The following STAU2 variants were observed in gnomAD, a reference collection of about 807,000 sequenced individuals.
STAU2 encodes the protein double-stranded RNA-binding protein Staufen homolog 2.
Under a neutral mutation model 65.9 loss-of-function variants are expected in STAU2, and 20 were observed. The ratio of observed to expected loss-of-function variants is 0.30; its 90% confidence interval spans 0.21 to 0.44. STAU2 has a LOEUF of 0.44. STAU2 is among the 20% of genes least tolerant of loss of function. The pLI, the probability that STAU2 is intolerant of heterozygous loss-of-function variation, is 1.00. For missense variants in STAU2, 558 were observed against 683.9 expected (o/e 0.82, Z 2.05); for synonymous variants, 232 against 233.9 (o/e 0.99, Z 0.07).
intron 13 of STAU2, among the ~76,000 whole-genome samples, chr8:73,497,072 C>A (rs777903791): frequency 2.0e-5 from 3 of 151,656 alleles, no homozygotes; most frequent in Non-Finnish European, 3.0e-5. Flanking sequence ...TCTTATCTGG[C>A]AGTTTAAAAT....
chr8:73,560,007 T>C (rs1039707855), intron 12 of STAU2, among the ~76,000 whole-genome samples: 2 of 151,494 alleles, frequency 1.3e-5, no homozygotes, highest in Non-Finnish European at 2.9e-5. Context: ...GGTTTCTTCT[T>C]AAGATCAGTT....
chr8:73,618,414 G>C (rs1047909519), intron 6 of STAU2, among the ~76,000 whole-genome samples: 3 of 152,192 alleles, frequency 2.0e-5, no homozygotes, highest in Non-Finnish European at 2.9e-5. Context: ...ATCTGAAGCA[G>C]AGAGTATACC....
intron 10 of STAU2, among the ~76,000 whole-genome samples, chr8:73,602,742 A>C (rs954445645): frequency 6.6e-6 from 1 of 151,876 alleles, no homozygotes; most frequent in African/African-American, 2.4e-5. Context: ...AAAAAAAAAA[A>C]ACAAAAAATT....
chr8:73,595,473 T>C lies in STAU2; in HGVS notation c.1030-176A>G, dbSNP rs146059366. 2.0e-5 allele frequency among the ~76,000 whole-genome samples: 3 copies of C among 152,250 alleles called. No individual in the cohort carries two copies. The East Asian group carries it at 5.8e-4, about 29-fold the overall frequency. On this transcript the variant is annotated intron_variant, in intron 10 of 14. Coordinates refer to ENST00000524300, the MANE Select transcript of STAU2 (RefSeq NM_001164380.2). Reference sequence around the variant, plus strand: ...AATGTTGTATATGTACATGAAAAAATGGTCCTTAAAGTATCAATGGAGGAT... The same window carrying C: ...AATGTTGTATATGTACATGAAAAAACGGTCCTTAAAGTATCAATGGAGGAT...
intron 5 of STAU2, among the ~76,000 whole-genome samples, chr8:73,679,819 C>T (rs925405365): frequency 6.7e-6 from 1 of 150,348 alleles, no homozygotes; most frequent in Non-Finnish European, 1.5e-5. Context: ...GCCCAGGAGG[C>T]GGAGGCTGCA....
At chr8:73,710,731 T>TA (rs1189873202) in intron 3 of STAU2, among the ~76,000 whole-genome samples, 3 of 151,926 alleles carry the variant, frequency 2.0e-5, no homozygotes, top group African/African-American at 7.2e-5. Context: ...TCACTTCCCA[T>TA]AAAAAATGCC....
rs542170216 is a variant in STAU2 at position 73,612,778 on chromosome 8, T to C, written c.891+966A>G. On this transcript the variant is annotated intron_variant, in intron 9 of 14. Coordinates refer to ENST00000524300, the MANE Select transcript of STAU2 (RefSeq NM_001164380.2). The stretch of plus-strand genomic sequence containing the variant: ...AGAAATCCATTGAGATTAAATATAT[T>C]TCTTATCTGTAATCCTTCATTTGTA... Among the ~76,000 whole-genome samples, 46 of 152,320 alleles carry C rather than the reference T, an allele frequency of 3.0e-4. No individual in the cohort carries two copies. In the South Asian group the frequency reaches 9.1e-3, roughly 30 times the overall value.
chr8:73,631,528 A>C (rs1814089262), intron 6 of STAU2, among the ~76,000 whole-genome samples: 1 of 152,186 alleles, frequency 6.6e-6, no homozygotes, highest in Non-Finnish European at 1.5e-5. Flanking sequence ...GTAAAATAAT[A>C]AATAACATTA....
intron 5 of STAU2, among the ~76,000 whole-genome samples, chr8:73,678,017 T>C (rs1305983380): frequency 1.3e-5 from 2 of 152,186 alleles, no homozygotes; most frequent in African/African-American, 2.4e-5. Context: ...CTTTACATTA[T>C]ATGCCTTAGA....
At chr8:73,477,402 A>G (rs932940726) in intron 13 of STAU2, among the ~76,000 whole-genome samples, 2 of 152,234 alleles carry the variant, frequency 1.3e-5, no homozygotes, top group African/African-American at 2.4e-5. Context: ...AGAAAAGGAC[A>G]GAAAACATAA....
intron 6 of STAU2, among the ~76,000 whole-genome samples, chr8:73,666,811 T>C (rs1355904278): frequency 6.6e-6 from 1 of 152,152 alleles, no homozygotes; most frequent in Non-Finnish European, 1.5e-5. Context: ...CAAACTTGGG[T>C]TGAATCCTAA....
chr8:73,736,430 G>A (rs543950904), intron 3 of STAU2, among the ~76,000 whole-genome samples: 3 of 152,324 alleles, frequency 2.0e-5, no homozygotes, highest in African/African-American at 4.8e-5. Context: ...GGAGACAGAT[G>A]TTACAACAAA....
rs188662809 is a variant in STAU2, at chr8:73,501,430, T to G, written c.1530+50582A>C. Among the ~76,000 whole-genome samples the G allele has an allele frequency of 2.4e-3, 371 of 152,078 alleles. 1 individual carries two copies. The highest frequency in any genetic ancestry group is 7.9e-3 in the African/African-American group (328 of 41,538). ...TTGACATCTTAAAATTTTAAATATCTATTACATTTGTTGCTATTATGTTAT... is the reference window on the plus strand; with the variant it reads ...TTGACATCTTAAAATTTTAAATATCGATTACATTTGTTGCTATTATGTTAT... On this transcript the variant is annotated intron_variant, in intron 13 of 14. Coordinates refer to ENST00000524300, the MANE Select transcript of STAU2 (RefSeq NM_001164380.2).
Position 73,647,167 on chromosome 8 carries a change from T to C in STAU2, c.410+25940A>G, listed in dbSNP as rs1815451032. Among the ~76,000 whole-genome samples, 3 of 152,328 alleles carry C rather than the reference T, an allele frequency of 2.0e-5. No individual in the cohort carries two copies. The South Asian group carries it at 6.2e-4, about 32-fold the overall frequency. ...AGTTCAGCAACTCTGGAAAATAGTG[T>C]AGCAGTTTCCTAGAACACTAAACAT... On this transcript the variant is annotated intron_variant, in intron 6 of 14. Coordinates refer to ENST00000524300, the MANE Select transcript of STAU2 (RefSeq NM_001164380.2).
chr8:73,746,702 G>GGCCT (rs1807314750), intron 1 of STAU2, 81 bp downstream of exon 1: 1 of 887,686 alleles, frequency 1.1e-6, no homozygotes, highest in Non-Finnish European at 1.5e-6. Context: ...CGGAACTGCA[G>GGCCT]GGCTCCCCAG....
rs534212881 is a variant in STAU2, at chr8:73,424,271, G to T, written c.1531-1569C>A. 2.7e-5 allele frequency among the ~76,000 whole-genome samples: 4 copies of T among 149,454 alleles called. No individual in the cohort carries two copies. The South Asian group carries it at 8.5e-4, about 32-fold the overall frequency. On this transcript the variant is annotated intron_variant, in intron 13 of 14. Transcript: ENST00000524300. ...GCTGGAGTGCAGTGGCACGATCTGG[G>T]CTCACTGCAACCTCTGCCTCCTGGG...
intron 6 of STAU2, among the ~76,000 whole-genome samples, chr8:73,657,122 A>C (rs1326276387): frequency 6.6e-6 from 1 of 152,244 alleles, no homozygotes; most frequent in Non-Finnish European, 1.5e-5. Flanking sequence ...GCACACAAAT[A>C]CTAAGAGATT....
chr8:73,692,685 G>C (rs1318948337), intron 4 of STAU2, among the ~76,000 whole-genome samples: 1 of 152,218 alleles, frequency 6.6e-6, no homozygotes, highest in African/African-American at 2.4e-5. Context: ...ACCCAGATTT[G>C]TGACTGTCAT....
chr8:73,708,911 C>T, intron 4 of STAU2, 121 bp downstream of exon 4: 1 of 902,072 alleles, frequency 1.1e-6, no homozygotes, highest in Non-Finnish European at 1.5e-6. Flanking sequence ...TAATGTAGAA[C>T]TAAAAGCCTT....
Sources: allele counts gnomAD v4.1 joint callset (sites outside exome capture counted in the v4.1 genomes callset), GRCh38; gene constraint gnomAD v4.1.1; transcripts MANE v1.5; gene names NCBI Gene and HGNC (gene_info 2026-07-23, HGNC 2026-07-21).